ABHD12: variants seen among roughly 807,000 people sequenced by gnomAD.
ABHD12 encodes abhydrolase domain containing 12, lysophospholipase.
In ABHD12, 43 loss-of-function variants were observed where a neutral mutation model predicts 58.3. The ratio of observed to expected loss-of-function variants is 0.74; its 90% CI spans 0.58 to 0.95. The LOEUF is 0.95. ABHD12 is among the 40% of genes least tolerant of loss of function. The pLI, the probability that ABHD12 is intolerant of heterozygous loss-of-function variation, is 0.00. For missense variants in ABHD12, 539 were observed against 537.2 expected, an observed-to-expected ratio of 1.00 and a Z score of -0.03; for synonymous variants, 219 against 211.2, an observed-to-expected ratio of 1.04 and a Z score of -0.32.
chr20:25,339,557 C>T, intron 1 of ABHD12: 1 of 1,433,676 alleles, frequency 7.0e-7, no homozygotes, highest in East Asian at 2.6e-5. Context: ...TAGAACTCTA[C>T]TGGGGGTAAG....
At chr20:25,342,935 T>C (rs1198634616) in intron 1 of ABHD12, among the ~76,000 whole-genome samples, 1 of 151,962 alleles carries the variant, frequency 6.6e-6, no homozygotes, top group African/African-American at 2.4e-5. Flanking sequence ...GGGGCTGTTA[T>C]AGGCATGTGC....
At chr20:25,302,122 G>GC (rs2088646702) in intron 12 of ABHD12, 97 bp downstream of exon 12, 1 of 1,567,704 alleles carries the variant, frequency 6.4e-7, no homozygotes, top group East Asian at 2.3e-5. Context: ...CCCCACTGAG[G>GC]CCCCCTGAGC....
At chr20:25,344,389 T>G (rs982940485) in intron 1 of ABHD12, among the ~76,000 whole-genome samples, 10 of 152,222 alleles carry the variant, frequency 6.6e-5, no homozygotes, top group African/African-American at 2.4e-4. Context: ...AGTTTTCATA[T>G]ATACCAGCAA....
At chr20:25,324,978 G>A (rs536033234) in intron 2 of ABHD12, among the ~76,000 whole-genome samples, 32 of 152,038 alleles carry the variant, frequency 2.1e-4, no homozygotes, top group Middle Eastern at 6.3e-3. Flanking sequence ...TAGATTGCCA[G>A]CTCACATGAC....
chr20:25,359,118 A>C (rs1241472366), intron 1 of ABHD12, among the ~76,000 whole-genome samples: 1 of 151,796 alleles, frequency 6.6e-6, no homozygotes. Flanking sequence ...AAAAAAAAAA[A>C]ATTGCATATA....
intron 1 of ABHD12, among the ~76,000 whole-genome samples, chr20:25,373,907 T>C (rs1242581520): frequency 6.6e-6 from 1 of 152,142 alleles, no homozygotes; most frequent in Non-Finnish European, 1.5e-5. Flanking sequence ...CCTGAAGTTG[T>C]CCCATAGCAT....
chr20:25,366,458 G>GT, intron 1 of ABHD12, among the ~76,000 whole-genome samples: 1 of 152,110 alleles, frequency 6.6e-6, no homozygotes, highest in East Asian at 1.9e-4. Flanking sequence ...TAGAGATGGG[G>GT]TTTCTCCATG....
intron 1 of ABHD12, among the ~76,000 whole-genome samples, chr20:25,377,961 G>T (rs1329872054): frequency 6.6e-6 from 1 of 152,218 alleles, no homozygotes; most frequent in Non-Finnish European, 1.5e-5. Context: ...CTCCCAAAGT[G>T]CTGGGATGAC....
intron 2 of ABHD12, chr20:25,338,851 G>A: frequency 9.5e-7 from 1 of 1,054,656 alleles, no homozygotes; most frequent in South Asian, 3.3e-5. Flanking sequence ...GATGGCTTCA[G>A]CTGACTTCTC....
chr20:25,296,455 C>A (rs2088546968), downstream of ABHD12: 1 of 1,614,040 alleles, frequency 6.2e-7, no homozygotes, highest in African/African-American at 1.3e-5. Flanking sequence ...ACGGAGTATG[C>A]ACGGGAGATC....
At chr20:25,305,725 A>G (rs2088724792) in intron 10 of ABHD12, among the ~76,000 whole-genome samples, 1 of 152,188 alleles carries the variant, frequency 6.6e-6, no homozygotes, top group African/African-American at 2.4e-5. Context: ...GACAATATCA[A>G]TACAATCTGA....
intron 1 of ABHD12, among the ~76,000 whole-genome samples, chr20:25,343,774 A>G (rs8125868): frequency 0.57 from 86,752 of 152,056 alleles, 25,515 homozygotes; most frequent in African/African-American, 0.63. Flanking sequence ...CAGCCTGAGC[A>G]ACAAAGGAAG....
rs772909225 is a variant in ABHD12, at chr20:25,303,337, A to G, written c.1029+213T>C. On this transcript the variant is annotated intron_variant, in intron 11 of 12. Coordinates refer to ENST00000339157, the MANE Select transcript of ABHD12 (RefSeq NM_001042472.3). ...ACAGCATCAGTGGGCCCCTGCCCCAACCTTTACACCAGACCTCCCATGTCC... is the reference window on the plus strand; with the variant it reads ...ACAGCATCAGTGGGCCCCTGCCCCAGCCTTTACACCAGACCTCCCATGTCC... 55 of 1,456,558 alleles carry G rather than the reference A, an allele frequency of 3.8e-5. 1 individual carries two copies. Among genetic ancestry groups the G allele is most frequent in the South Asian group, 9.3e-5 (7 of 74,910 alleles). The allele number at this position is 1,456,558 out of a possible 1,614,324, so 90.2% of individuals were successfully genotyped here. A position where few individuals can be genotyped will look rare whatever the true frequency, so the allele number is the denominator to read the frequency against.
At chr20:25,320,339 G>A (rs915823958) in intron 3 of ABHD12, 21 bp from the exon 4 acceptor site, 1 of 1,612,346 alleles carries the variant, frequency 6.2e-7, no homozygotes, top group African/African-American at 1.3e-5. Context: ...AAGCAGAGGG[G>A]AGCGCAGGAT....
chr20:25,384,335 T>A (rs1027273604), intron 1 of ABHD12, among the ~76,000 whole-genome samples: 1 of 148,162 alleles, frequency 6.7e-6, no homozygotes, highest in African/African-American at 2.5e-5. Flanking sequence ...GGTTTGGGGT[T>A]TTTTTTTTAA....
At chr20:25,337,984 A>G (rs1279866287) in intron 2 of ABHD12, among the ~76,000 whole-genome samples, 1 of 152,196 alleles carries the variant, frequency 6.6e-6, no homozygotes, top group Admixed American at 6.5e-5. Context: ...AAGACACCCA[A>G]ATAAAAACTC....
At chr20:25,319,150 G>A (rs962591444) in intron 4 of ABHD12, among the ~76,000 whole-genome samples, 14 of 152,206 alleles carry the variant, frequency 9.2e-5, no homozygotes, top group Admixed American at 5.2e-4. Flanking sequence ...TCTCACACAC[G>A]AAGACCTTGG....
chr20:25,330,788 G>A (rs1419493254), intron 2 of ABHD12, among the ~76,000 whole-genome samples: 1 of 152,102 alleles, frequency 6.6e-6, no homozygotes, highest in African/African-American at 2.4e-5. Flanking sequence ...AAACAGAAAG[G>A]ACATCCACAC....
intron 1 of ABHD12, among the ~76,000 whole-genome samples, chr20:25,344,975 C>G (rs566096593): frequency 1.3e-5 from 2 of 151,274 alleles, no homozygotes; most frequent in Non-Finnish European, 1.5e-5. Flanking sequence ...ATACCCTTCA[C>G]AAAAATAAAA....
Sources: gnomAD v4.1 joint callset for allele counts (sites outside exome capture counted in the v4.1 genomes callset) on GRCh38, gnomAD v4.1.1 for gene constraint, MANE v1.5 for transcripts, NCBI Gene and HGNC (gene_info 2026-07-23, HGNC 2026-07-21) for gene names.